Variants in HEXD observed in about 807,000 individuals in gnomAD.
HEXD encodes the protein hexosaminidase D, also known as N-acetyl-beta-galactosaminidase.
HEXD carries 47 observed loss-of-function variants against 54.2 expected under a neutral mutation model. That is an observed-to-expected ratio of 0.87 (90% CI 0.69 to 1.11). HEXD has a LOEUF of 1.11. HEXD is among the 50% of genes least tolerant of loss of function. The pLI is 0.00. For missense variants in HEXD, 576 were observed against 649.2 expected, an observed-to-expected ratio of 0.89 and a Z score of 1.23; for synonymous variants, 293 against 287.6, an observed-to-expected ratio of 1.02 and a Z score of -0.19.
chr17:82,425,751 G>C (rs2053394497), intron 3 of HEXD: 1 of 151,924 alleles, frequency 6.6e-6, no homozygotes, highest in Middle Eastern at 3.2e-3. Flanking sequence ...GCAGATCACT[G>C]GAGCTCAGGA....
chr17:82,433,439 TG>T (rs549000106), intron 4 of HEXD, among the ~76,000 whole-genome samples: 1 of 152,070 alleles, frequency 6.6e-6, no homozygotes, highest in Non-Finnish European at 1.5e-5. Flanking sequence ...CGAGATTCCA[TG>T]GGGTTTCACC....
chr17:82,434,723 A>G lies in HEXD; in HGVS notation c.447+901A>G, dbSNP rs1338311019. ...CGTGATGGCGGGCGCCTGTAATCCCAGCTACTCAGGAGGCTGAGGCACGAG... is the reference window on the plus strand; with the variant it reads ...CGTGATGGCGGGCGCCTGTAATCCCGGCTACTCAGGAGGCTGAGGCACGAG... On this transcript the variant is annotated intron_variant, in intron 5 of 12. Transcript: ENST00000327949. The surrounding 1 kb of genome is among the most constrained non-coding windows in gnomAD (Gnocchi z 4.5). Among the ~76,000 whole-genome samples, 1 of 152,046 alleles carries G rather than the reference A, an allele frequency of 6.6e-6. No individual in the cohort carries two copies. Among genetic ancestry groups the G allele is most frequent in the East Asian group, 1.9e-4 (1 of 5,188 alleles).
intron 2 of HEXD, among the ~76,000 whole-genome samples, chr17:82,422,815 G>C (rs2053274669): frequency 6.6e-6 from 1 of 152,144 alleles, no homozygotes; most frequent in African/African-American, 2.4e-5. Context: ...CCAGCACTTT[G>C]GGAGGCTGAG....
At position 82,442,428 on chromosome 17, in the gene HEXD, G is replaced by A. The variant is rs777064753; in HGVS notation, c.*44G>A. The A allele has an allele frequency of 2.5e-6, 4 of 1,610,190 alleles. No homozygotes were observed. In the Admixed American group the frequency reaches 6.7e-5, roughly 27 times the overall value. On this transcript the variant is annotated 3_prime_UTR_variant, in exon 13 of 13. Transcript: ENST00000327949. The surrounding 1 kb of genome is among the most constrained non-coding windows in gnomAD (Gnocchi z 6.8). ...GGGGCTCCTGCTGGAGGCTGGGGGG[G>A]CTCTGCACTGCCAAATGGCCTGGGC...
At chr17:82,435,985 A>C (rs2053750600) in intron 6 of HEXD, 113 bp downstream of exon 6, 2 of 1,029,708 alleles carry the variant, frequency 1.9e-6, no homozygotes, top group Non-Finnish European at 1.4e-6. Flanking sequence ...CCAGCCCCGC[A>C]CAGACCCGCC....
At chr17:82,432,401 A>G (rs768378606) in intron 4 of HEXD, among the ~76,000 whole-genome samples, 1 of 152,016 alleles carries the variant, frequency 6.6e-6, no homozygotes, top group Non-Finnish European at 1.5e-5. Flanking sequence ...TTCTACTGAC[A>G]GCGCCCCCAC....
Position 82,440,241 on chromosome 17 carries a change from C to T in HEXD, c.982+528C>T, listed in dbSNP as rs919376847. The T allele has an allele frequency of 1.5e-5, 19 of 1,288,764 alleles. No individual in the cohort carries two copies. In the Middle Eastern group the frequency reaches 2.6e-3, roughly 175 times the overall value. The allele number at this position is 1,288,764 out of a possible 1,614,324, so 79.8% of individuals were successfully genotyped here. ...ACTCGCAGGCCACACGGGAAATTAG[C>T]GACTGCGTGGTGCTGATGCAGAAAG... On this transcript the variant is annotated intron_variant, in intron 9 of 12. Coordinates refer to ENST00000327949, the MANE Select transcript of HEXD (RefSeq NM_001330542.2).
chr17:82,424,566 G>A, intron 3 of HEXD, 63 bp downstream of exon 3: 1 of 1,198,590 alleles, frequency 8.3e-7, no homozygotes, highest in Non-Finnish European at 1.2e-6. Context: ...GGGTTCCGCA[G>A]GGCAGGAGGA....
Position 82,428,548 on chromosome 17 carries a change from G to C in HEXD, c.195-10G>C, listed in dbSNP as rs747533037. ...ACATGACCCTCTCTCTATGAATTTT[G>C]TCTCTCCAGCCCCTCTGAAATCAAA... On this transcript the variant is annotated splice_polypyrimidine_tract_variant and intron_variant, in intron 3 of 12. Coordinates refer to ENST00000327949, the MANE Select transcript of HEXD (RefSeq NM_001330542.2). The C allele has an allele frequency of 6.2e-7, 1 of 1,612,190 alleles. No homozygotes were observed. Among genetic ancestry groups the C allele is most frequent in the Admixed American group, 1.7e-5 (1 of 59,974 alleles).
At chr17:82,435,909 G>A (rs1157892521) in intron 6 of HEXD, 37 bp downstream of exon 6, 2 of 1,580,752 alleles carry the variant, frequency 1.3e-6, no homozygotes, top group South Asian at 2.3e-5. Context: ...GTGGGCCACT[G>A]AACTGCCCAA....
chr17:82,418,893 TGA>T (rs1250962440), intron 1 of HEXD, among the ~76,000 whole-genome samples, 153 bp downstream of exon 1: 2 of 152,170 alleles, frequency 1.3e-5, no homozygotes, highest in South Asian at 2.1e-4. Flanking sequence ...GCGGGGCTGC[TGA>T]GAGAGGCTCG....
intron 9 of HEXD, 27 bp from the exon 10 acceptor site, chr17:82,440,970 A>C (rs1328454140): frequency 6.2e-7 from 1 of 1,612,340 alleles, no homozygotes; most frequent in Admixed American, 1.7e-5. Context: ...AGGCCCCTCC[A>C]ACCGCCCCGC....
At chr17:82,432,801 C>G (rs375719367) in intron 4 of HEXD, among the ~76,000 whole-genome samples, 1 of 151,680 alleles carries the variant, frequency 6.6e-6, no homozygotes, top group Admixed American at 6.6e-5. Flanking sequence ...CAGTGGCTCA[C>G]GCCTGTAATC....
Position 82,442,226 on chromosome 17 carries a change from C to T in HEXD, c.1303C>T (p.Gln435Ter), listed in dbSNP as rs201260451. The T allele has an allele frequency of 2.0e-5, 32 of 1,605,340 alleles. No homozygotes were observed. The Admixed American group carries it at 3.3e-4, about 17-fold the overall frequency. The change falls in exon 13 of 13, where the codon CAG becomes TAG. Residue 435 changes from glutamine to a stop codon, truncating the protein, a stop_gained. Transcript: ENST00000327949. LOFTEE classifies it low-confidence loss of function (END_TRUNC). This position sits in a 1 kb window ranked among gnomAD's most constrained non-coding sequence, Gnocchi z 6.8. Reference protein sequence around the residue: ...TLVQELEAALQLAFYPDAVEE... With the variant: ...TLVQELEAAL The stretch of plus-strand genomic sequence containing the variant: ...CGTGCAGGAGCTGGAGGCTGCCCTG[C>T]AGCTGGCTTTCTACCCGGATGCCGT...
chr17:82,424,824 A>G (rs1313299527), intron 3 of HEXD, among the ~76,000 whole-genome samples: 1 of 152,184 alleles, frequency 6.6e-6, no homozygotes, highest in African/African-American at 2.4e-5. Context: ...AGGCTGGACT[A>G]CAGAAGGTTA....
At chr17:82,439,068 A>G (rs2053853233) in intron 8 of HEXD, among the ~76,000 whole-genome samples, 1 of 152,244 alleles carries the variant, frequency 6.6e-6, no homozygotes. Context: ...CCTACCCAGC[A>G]GTGGGAAGCC....
At position 82,428,565 on chromosome 17, in the gene HEXD, G is replaced by C. The variant is rs1203477165; in HGVS notation, c.202G>C (p.Glu68Gln). 5.6e-6 allele frequency: 9 copies of C among 1,612,986 alleles called. No individual in the cohort carries two copies. Among genetic ancestry groups the C allele is most frequent in the Non-Finnish European group, 7.6e-6 (9 of 1,179,154 alleles). ...LRAKYAYSPS[E>Q]IKEILHLAGL... ...TGAATTTTGTCTCTCCAGCCCCTCT[G>C]AAATCAAAGAGATCTTGCATCTGGC... Residue 68 changes from glutamate to glutamine, a missense_variant, in exon 4 of 13, where the codon GAA becomes CAA. Physicochemically the swap from Glu to Gln is conservative, Grantham distance 29. Transcript: ENST00000327949.
chr17:82,432,794 T>G (rs902192253), intron 4 of HEXD, among the ~76,000 whole-genome samples: 1 of 151,838 alleles, frequency 6.6e-6, no homozygotes, highest in Non-Finnish European at 1.5e-5. Flanking sequence ...CTGGGTGCAG[T>G]GGCTCACGCC....
rs2053337626 is a variant in HEXD at position 82,424,502 on chromosome 17, AG to A, written c.194+1del. On this transcript the variant is annotated frameshift_variant and splice_region_variant, in exon 3 of 13. Coordinates refer to ENST00000327949, the MANE Select transcript of HEXD (RefSeq NM_001330542.2). LOFTEE classifies it high-confidence loss of function. ...LRLLRAKYAY[S>X]PSEIKEILHL... ...GCTGCTGAGGGCCAAGTACGCCTAC[AG>A]GTAACACTGCCCGTGGCAGGTACAG... 5 of 1,605,750 alleles carry A rather than the reference AG, an allele frequency of 3.1e-6. No homozygotes were observed. The highest frequency in any genetic ancestry group is 4.3e-6 in the Non-Finnish European group (5 of 1,172,718).
Sources: gnomAD v4.1 joint callset for allele counts (sites outside exome capture counted in the v4.1 genomes callset) on GRCh38, gnomAD v4.1.1 for gene constraint, Gnocchi (gnomAD v3.1) non-coding constraint, MANE v1.5 for transcripts, NCBI Gene and HGNC (gene_info 2026-07-23, HGNC 2026-07-21) for gene names.